Variants in SLC4A4 observed in about 807,000 individuals in gnomAD.
SLC4A4 encodes solute carrier family 4 member 4.
SLC4A4 carries 27 observed loss-of-function variants against 111.5 expected under a neutral mutation model. The ratio of observed to expected loss-of-function variants is 0.24; its 90% CI spans 0.18 to 0.33. The LOEUF (loss-of-function observed/expected upper bound fraction) is 0.33. Ranked by LOEUF, SLC4A4 falls within the 10% of genes least tolerant of loss-of-function variation. SLC4A4 has a pLI of 1.00. For synonymous variants in SLC4A4, 443 were observed against 463.4 expected (o/e 0.96, Z 0.57); for missense variants, 909 against 1,315.5 (o/e 0.69, Z 4.78).
At chr4:71,240,839 C>A (rs1035354792) in intron 2 of SLC4A4, among the ~76,000 whole-genome samples, 5 of 152,068 alleles carry the variant, frequency 3.3e-5, no homozygotes, top group Non-Finnish European at 5.9e-5. Context: ...GTTCTCAAAG[C>A]CTGACGTGGT....
At chr4:71,389,012 C>CA (rs1284488550) in intron 6 of SLC4A4, among the ~76,000 whole-genome samples, 3 of 152,130 alleles carry the variant, frequency 2.0e-5, no homozygotes, top group Admixed American at 1.3e-4. Flanking sequence ...TTAGACCTAA[C>CA]ACTGAATCTT....
chr4:71,334,328 T>A (rs533901760), intron 3 of SLC4A4, among the ~76,000 whole-genome samples: 16 of 152,208 alleles, frequency 1.1e-4, no homozygotes, highest in Non-Finnish European at 1.8e-4. Flanking sequence ...GGGCCTGGAA[T>A]TGGGGCCTTA....
intron 1 of SLC4A4, among the ~76,000 whole-genome samples, chr4:71,087,406 C>G (rs937619815): frequency 1.3e-5 from 2 of 152,036 alleles, no homozygotes; most frequent in Non-Finnish European, 2.9e-5. Context: ...CTATCTCCTT[C>G]AGTTCTGCTC....
At chr4:71,102,059 T>C (rs1021430300) in intron 2 of SLC4A4, among the ~76,000 whole-genome samples, 2 of 151,276 alleles carry the variant, frequency 1.3e-5, no homozygotes, top group African/African-American at 2.4e-5. Context: ...GAATAACCAA[T>C]ACAGAGAAGT....
At chr4:71,567,571 A>G (rs1737597661) in intron 25 of SLC4A4, among the ~76,000 whole-genome samples, 1 of 151,704 alleles carries the variant, frequency 6.6e-6, no homozygotes, top group Admixed American at 6.6e-5. Flanking sequence ...AATTTAATCT[A>G]GGTATGAGAT....
At chr4:71,536,486 A>ATATATG (rs199681803) in intron 18 of SLC4A4, among the ~76,000 whole-genome samples, 1 of 68,046 alleles carries the variant, frequency 1.5e-5, no homozygotes, top group Non-Finnish European at 2.8e-5. Context: ...ATATATATAT[A>ATATATG]TGTATATATT....
rs1723259056 is a variant in SLC4A4, at chr4:71,278,615, T to C, written c.253+23216T>C. 2.0e-5 allele frequency among the ~76,000 whole-genome samples: 3 copies of C among 152,226 alleles called. No homozygotes were observed. In the South Asian group the frequency reaches 6.2e-4, roughly 32 times the overall value. The stretch of plus-strand genomic sequence containing the variant: ...ATATCAACACCCACCTCTTGTCTTT[T>C]TCATAATAGTTATCCTAACAGGTAT... On this transcript the variant is annotated intron_variant, in intron 3 of 25. Transcript: ENST00000264485.
At chr4:71,155,248 T>C (rs1461855343) in intron 2 of SLC4A4, among the ~76,000 whole-genome samples, 1 of 152,174 alleles carries the variant, frequency 6.6e-6, no homozygotes, top group East Asian at 1.9e-4. Flanking sequence ...AATAATTTTA[T>C]AGGATTTCTT....
chr4:71,102,039 T>A (rs1364831182), intron 2 of SLC4A4, among the ~76,000 whole-genome samples: 2 of 151,064 alleles, frequency 1.3e-5, no homozygotes, highest in East Asian at 3.9e-4. Context: ...ATTAGAAGAA[T>A]GTATAACTAG....
intron 8 of SLC4A4, among the ~76,000 whole-genome samples, chr4:71,444,731 C>A (rs1725072231): frequency 6.6e-6 from 1 of 152,202 alleles, no homozygotes; most frequent in Non-Finnish European, 1.5e-5. Flanking sequence ...GAGGGAACTT[C>A]AACTTGTTGG....
intron 14 of SLC4A4, chr4:71,473,229 T>A (rs1288955336): frequency 3.2e-6 from 2 of 631,608 alleles, no homozygotes; most frequent in Non-Finnish European, 5.7e-6. Context: ...AACTGTGGGA[T>A]TTGCAAGGAA....
intron 4 of SLC4A4, among the ~76,000 whole-genome samples, chr4:71,342,725 G>GT (rs1484444919): frequency 2.6e-5 from 4 of 152,116 alleles, no homozygotes; most frequent in African/African-American, 9.7e-5. Context: ...CCTGGTCCCA[G>GT]AAAGGTAGAG....
intron 3 of SLC4A4, among the ~76,000 whole-genome samples, chr4:71,268,098 G>A (rs1184597102): frequency 6.4e-5 from 1 of 15,680 alleles, no homozygotes; most frequent in Non-Finnish European, 1.3e-4. Context: ...TTTTTTTTTT[G>A]CCACTAGTGA....
At chr4:71,074,822 C>T (rs1427828880) in intron 1 of SLC4A4, among the ~76,000 whole-genome samples, 1 of 152,216 alleles carries the variant, frequency 6.6e-6, no homozygotes, top group African/African-American at 2.4e-5. Context: ...AAATGAGTTG[C>T]TCAGCAGGGA....
intron 2 of SLC4A4, among the ~76,000 whole-genome samples, chr4:71,158,141 G>GTGTGTCTC (rs1449317425): frequency 8.3e-6 from 1 of 120,316 alleles, no homozygotes; most frequent in East Asian, 2.5e-4. Context: ...GTGTGTGTGT[G>GTGTGTCTC]TCTCTCTCTC....
intron 17 of SLC4A4, among the ~76,000 whole-genome samples, chr4:71,532,942 G>A (rs1459111009): frequency 6.6e-6 from 1 of 151,920 alleles, no homozygotes; most frequent in African/African-American, 2.4e-5. Context: ...CTTAACTTAC[G>A]AACCTATTGA....
rs574879606 is a variant in SLC4A4, at chr4:71,364,735, C to A, written c.730+7548C>A. On this transcript the variant is annotated intron_variant, in intron 6 of 25. Coordinates refer to ENST00000264485, the MANE Select transcript of SLC4A4 (RefSeq NM_001098484.3). ...CAACAGAAGAATTTTGGGGGGGATA[C>A]AAACATTCAGATCCTAGCACACTGT... Among the ~76,000 whole-genome samples, 18 of 152,270 alleles carry A rather than the reference C, an allele frequency of 1.2e-4. No homozygotes were observed. The South Asian group carries it at 2.3e-3, about 19-fold the overall frequency.
At chr4:71,314,993 C>T (rs987695391) in intron 3 of SLC4A4, among the ~76,000 whole-genome samples, 5 of 152,012 alleles carry the variant, frequency 3.3e-5, no homozygotes, top group African/African-American at 4.8e-5. Flanking sequence ...GACTGCAGTG[C>T]GTACTCATAA....
chr4:71,452,926 G>A (rs1725902078), intron 11 of SLC4A4, among the ~76,000 whole-genome samples: 1 of 152,112 alleles, frequency 6.6e-6, no homozygotes, highest in African/African-American at 2.4e-5. Flanking sequence ...ACTATGTGTT[G>A]CATTTATTCA....
Sources: gnomAD v4.1 joint callset for allele counts (sites outside exome capture counted in the v4.1 genomes callset) on GRCh38, gnomAD v4.1.1 for gene constraint, MANE v1.5 for transcripts, NCBI Gene and HGNC (gene_info 2026-07-23, HGNC 2026-07-21) for gene names.